Variants in EXD3 observed in about 807,000 individuals in gnomAD.
EXD3 encodes exonuclease mut-7 homolog.
Under a neutral mutation model 98.0 loss-of-function variants are expected in EXD3, and 92 were observed. The observed-to-expected ratio is 0.94, with a 90% confidence interval of 0.79 to 1.12. The LOEUF is 1.12. Among genes scored for constraint, EXD3 ranks in the 50% most tolerant of loss-of-function variants. The pLI, the probability that EXD3 is intolerant of heterozygous loss-of-function variation, is 0.00. For missense variants in EXD3, 1,222 were observed against 1,191.6 expected (o/e 1.03, Z -0.38); for synonymous variants, 569 against 526.0 (o/e 1.08, Z -1.12).
chr9:137,316,151 G>A (rs1831644324), intron 19 of EXD3, among the ~76,000 whole-genome samples: 1 of 151,376 alleles, frequency 6.6e-6, no homozygotes, highest in Non-Finnish European at 1.5e-5. Context: ...GGCGGCGGCC[G>A]TGAGAACCCG....
chr9:137,418,473 A>C (rs1019822204), intron 1 of EXD3, among the ~76,000 whole-genome samples: 2 of 152,242 alleles, frequency 1.3e-5, no homozygotes, highest in African/African-American at 4.8e-5. Context: ...TGGCATAGGA[A>C]AGCTAAATAT....
At position 137,387,419 on chromosome 9, in the gene EXD3, C is replaced by T. The variant is rs563267648; in HGVS notation, c.56-4042G>A. On this transcript the variant is annotated intron_variant, in intron 2 of 21. Coordinates refer to ENST00000340951, the MANE Select transcript of EXD3 (RefSeq NM_017820.5). The stretch of plus-strand genomic sequence containing the variant: ...CTGGAGGGACCCATGGCAGGTGTGG[C>T]GGGACAAGTGTCTGCCGTGCCGGGC... 6.3e-3 allele frequency among the ~76,000 whole-genome samples: 952 copies of T among 152,290 alleles called. 9 individuals are homozygous for T. Among genetic ancestry groups the T allele is most frequent in the African/African-American group, 0.022 (909 of 41,558 alleles).
intron 17 of EXD3, among the ~76,000 whole-genome samples, chr9:137,328,601 ACTACACGGGG>A (rs199541763): frequency 0.016 from 356 of 22,756 alleles, 86 homozygotes; most frequent in African/African-American, 0.043. Flanking sequence ...ACTACACGGG[ACTACACGGGG>A]CTACACGGGA....
At chr9:137,422,468 C>T (rs944535718) in intron 1 of EXD3, among the ~76,000 whole-genome samples, 1 of 152,132 alleles carries the variant, frequency 6.6e-6, no homozygotes, top group Non-Finnish European at 1.5e-5. Flanking sequence ...GCCATTTCTA[C>T]AAGCCAGTGA....
chr9:137,328,606 A>G (rs147113047), intron 17 of EXD3, among the ~76,000 whole-genome samples: 1,310 of 91,484 alleles, frequency 0.014, 59 homozygotes, highest in African/African-American at 0.036. Flanking sequence ...ACGGGACTAC[A>G]CGGGGCTACA....
At chr9:137,337,997 C>T (rs1290610639) in intron 17 of EXD3, among the ~76,000 whole-genome samples, 3 of 152,024 alleles carry the variant, frequency 2.0e-5, no homozygotes, top group Non-Finnish European at 4.4e-5. Flanking sequence ...CTGTGTTAGC[C>T]AGGATGGTCT....
intron 3 of EXD3, among the ~76,000 whole-genome samples, chr9:137,382,948 C>A (rs753996348): frequency 1.3e-5 from 2 of 152,190 alleles, no homozygotes; most frequent in African/African-American, 2.4e-5. Context: ...GTCCTGGACA[C>A]CTGCCCCAGT....
At chr9:137,340,153 A>G (rs1466447678) in intron 17 of EXD3, among the ~76,000 whole-genome samples, 4 of 152,240 alleles carry the variant, frequency 2.6e-5, no homozygotes, top group African/African-American at 9.6e-5. Flanking sequence ...CTAAGAAAAG[A>G]CATGCAAGAT....
intron 3 of EXD3, among the ~76,000 whole-genome samples, chr9:137,376,709 C>G (rs1020434703): frequency 2.6e-5 from 4 of 152,088 alleles, no homozygotes; most frequent in African/African-American, 7.2e-5. Context: ...GTGGGCGGAT[C>G]AACTGAGGTC....
rs1008806677 is a variant in EXD3 at position 137,349,305 on chromosome 9, C to T, written c.1658-23G>A. ...CAGCTGTGTGGGGAGTCGGCCTCAG[C>T]CTCCCGGGACAGAGGGCGGGAGGGG... On this transcript the variant is annotated intron_variant, in intron 15 of 21. Coordinates refer to ENST00000340951, the MANE Select transcript of EXD3 (RefSeq NM_017820.5). The surrounding 1 kb of genome is among the most constrained non-coding windows in gnomAD (Gnocchi z 7.4). 1.9e-6 allele frequency: 3 copies of T among 1,553,436 alleles called. No homozygotes were observed. Among genetic ancestry groups the T allele is most frequent in the East Asian group, 2.4e-5 (1 of 42,306 alleles).
At chr9:137,364,855 G>A (rs371072244) in intron 7 of EXD3, among the ~76,000 whole-genome samples, 11 of 145,404 alleles carry the variant, frequency 7.6e-5, no homozygotes, top group Non-Finnish European at 1.2e-4. Context: ...TGCAAGCTCC[G>A]CCTCCTGGGT....
rs557677347 is a variant in EXD3, at chr9:137,391,366, G to A, written c.55+3937C>T. ...GGACGCTGGATGTGAGGCTGGCCAC[G>A]TCCCCAGCCCCAGGCACCTCAGCAG... On this transcript the variant is annotated intron_variant, in intron 2 of 21. Coordinates refer to ENST00000340951, the MANE Select transcript of EXD3 (RefSeq NM_017820.5). Among the ~76,000 whole-genome samples the A allele has an allele frequency of 2.6e-5, 4 of 152,336 alleles. No homozygotes were observed. In the South Asian group the frequency reaches 8.3e-4, roughly 32 times the overall value.
At chr9:137,327,447 G>C (rs1011646040) in intron 17 of EXD3, among the ~76,000 whole-genome samples, 5 of 152,018 alleles carry the variant, frequency 3.3e-5, no homozygotes, top group Non-Finnish European at 5.9e-5. Flanking sequence ...TGGAGTCTTT[G>C]GGATGATACC....
intron 3 of EXD3, among the ~76,000 whole-genome samples, chr9:137,375,153 C>T (rs898645334): frequency 2.6e-5 from 4 of 152,178 alleles, no homozygotes; most frequent in East Asian, 1.9e-4. Context: ...GGACTATAGG[C>T]GCGCGCCACC....
chr9:137,367,226 G>A (rs1835306034), intron 6 of EXD3, among the ~76,000 whole-genome samples: 1 of 152,204 alleles, frequency 6.6e-6, no homozygotes, highest in South Asian at 2.1e-4. Flanking sequence ...GCAGTGCCTT[G>A]GGGGACAGTC....
chr9:137,419,176 CAT>C (rs1389608458), intron 1 of EXD3, among the ~76,000 whole-genome samples: 35 of 152,308 alleles, frequency 2.3e-4, no homozygotes, highest in African/African-American at 7.7e-4. Context: ...GTATTATTAA[CAT>C]ATGTTCCAAA....
intron 3 of EXD3, among the ~76,000 whole-genome samples, chr9:137,380,435 C>T (rs1171564676): frequency 6.6e-5 from 5 of 76,204 alleles, no homozygotes; most frequent in South Asian, 6.6e-4. Context: ...CCAATCCCTC[C>T]GCCAGTATCC....
intron 19 of EXD3, among the ~76,000 whole-genome samples, chr9:137,316,701 G>C (rs922625444): frequency 2.1e-4 from 32 of 152,238 alleles, no homozygotes; most frequent in African/African-American, 7.0e-4. Flanking sequence ...TGCAGGGGCT[G>C]GGGGACAACA....
At chr9:137,355,490 G>GAAGGAGAA (rs748944988) in intron 8 of EXD3, among the ~76,000 whole-genome samples, 8 of 27,882 alleles carry the variant, frequency 2.9e-4, no homozygotes, top group Non-Finnish European at 5.2e-4. Context: ...GAGGAAGGAG[G>GAAGGAGAA]ATGGAGGAAG....
Sources: gnomAD v4.1 joint callset for allele counts (sites outside exome capture counted in the v4.1 genomes callset) on GRCh38, gnomAD v4.1.1 for gene constraint, Gnocchi (gnomAD v3.1) non-coding constraint, MANE v1.5 for transcripts, NCBI Gene and HGNC (gene_info 2026-07-23, HGNC 2026-07-21) for gene names.